Variants in CSMD3 observed in about 807,000 individuals in gnomAD.
The protein encoded by CSMD3 is CUB and sushi domain-containing protein 3.
CSMD3 carries 177 observed loss-of-function variants against 435.2 expected under a neutral mutation model. The ratio of observed to expected loss-of-function variants is 0.41; its 90% CI spans 0.36 to 0.46. CSMD3 has a LOEUF of 0.46. Among genes scored for constraint, CSMD3 ranks in the 20% least tolerant of loss-of-function variants. The pLI is 0.34. For missense variants in CSMD3, 4,265 were observed against 4,504.6 expected (o/e 0.95, Z 1.52); for synonymous variants, 1,656 against 1,520.5 (o/e 1.09, Z -2.07).
chr8:113,371,216 C>A (rs944521380), intron 1 of CSMD3, among the ~76,000 whole-genome samples: 2 of 151,982 alleles, frequency 1.3e-5, no homozygotes, highest in Non-Finnish European at 2.9e-5. Context: ...TACTTAACTA[C>A]TTCCTTTTTG....
At chr8:112,278,355 T>G (rs954793066) in intron 59 of CSMD3, among the ~76,000 whole-genome samples, 5 of 152,186 alleles carry the variant, frequency 3.3e-5, no homozygotes, top group Admixed American at 6.5e-5. Flanking sequence ...CTGCCAAGAT[T>G]TAAATGATAG....
At chr8:112,648,035 A>T (rs1416028065) in intron 19 of CSMD3, among the ~76,000 whole-genome samples, 1 of 152,198 alleles carries the variant, frequency 6.6e-6, no homozygotes, top group African/African-American at 2.4e-5. Flanking sequence ...TGGGATATAA[A>T]GACATCACAA....
intron 4 of CSMD3, among the ~76,000 whole-genome samples, chr8:113,136,830 A>C: frequency 6.6e-6 from 1 of 151,610 alleles, no homozygotes; most frequent in Non-Finnish European, 1.5e-5. Flanking sequence ...AGTCAGAAAA[A>C]TAGGTAATTT....
intron 45 of CSMD3, among the ~76,000 whole-genome samples, chr8:112,334,958 A>T (rs1231392865): frequency 6.6e-6 from 1 of 152,214 alleles, no homozygotes; most frequent in Non-Finnish European, 1.5e-5. Context: ...AGAAAGAGTC[A>T]CAGCAGGTTG....
intron 27 of CSMD3, among the ~76,000 whole-genome samples, chr8:112,525,784 G>GTATATATATATATACA (rs1025370439): frequency 7.7e-6 from 1 of 129,466 alleles, no homozygotes; most frequent in Non-Finnish European, 1.6e-5. Context: ...ATATGTGTGT[G>GTATATATATATATACA]TATATATATA....
intron 32 of CSMD3, among the ~76,000 whole-genome samples, chr8:112,427,350 T>C (rs1457380445): frequency 6.6e-6 from 1 of 152,122 alleles, no homozygotes; most frequent in African/African-American, 2.4e-5. Context: ...AACTGAATCA[T>C]GGAGGTGGTT....
chr8:112,612,066 C>T (rs771684890), intron 22 of CSMD3, among the ~76,000 whole-genome samples: 4 of 152,032 alleles, frequency 2.6e-5, no homozygotes, highest in African/African-American at 7.2e-5. Flanking sequence ...AATGAAATAA[C>T]CAATTTTACC....
At position 112,341,586 on chromosome 8, in the gene CSMD3, A is replaced by C. The variant is rs1482474049; in HGVS notation, c.6543T>G (p.Leu2181=). ...SSETSTVIGR[L]SGPQIPSSLF... ...AGGAAGATGGTATTTGAGGACCACT[A>C]AGCCGGCCAATAACAGTACTAGTTT... The change falls in exon 42 of 71, where the codon CTT becomes CTG. Residue 2181 remains leucine, a synonymous_variant. Coordinates refer to ENST00000297405, the MANE Select transcript of CSMD3 (RefSeq NM_198123.2). The C allele has an allele frequency of 6.2e-7, 1 of 1,612,324 alleles. No individual in the cohort carries two copies.
At chr8:112,355,906 C>T (rs1826559129) in intron 38 of CSMD3, among the ~76,000 whole-genome samples, 1 of 152,056 alleles carries the variant, frequency 6.6e-6, no homozygotes, top group Non-Finnish European at 1.5e-5. Context: ...TCAGAAGACA[C>T]ATGAATGACC....
chr8:112,699,686 C>T (rs558061590), intron 13 of CSMD3, among the ~76,000 whole-genome samples: 4 of 152,120 alleles, frequency 2.6e-5, no homozygotes, highest in Non-Finnish European at 4.4e-5. Flanking sequence ...CGTTGTTTGC[C>T]TCCTGGTGTG....
intron 54 of CSMD3, among the ~76,000 whole-genome samples, chr8:112,293,210 T>C (rs1387667582): frequency 6.6e-6 from 1 of 151,984 alleles, no homozygotes; most frequent in African/African-American, 2.4e-5. Context: ...AGCATGATCA[T>C]AGCTATGCAT....
chr8:112,405,222 TATATATATATATATATATATATATAC>T lies in CSMD3; in HGVS notation c.5809+1276_5809+1301del, dbSNP rs1563904405. Among the ~76,000 whole-genome samples the T allele has an allele frequency of 3.8e-4, 20 of 52,394 alleles. 1 individual carries two copies. The highest frequency in any genetic ancestry group is 1.3e-3 in the African/African-American group (18 of 13,850). 34.4% of individuals were successfully genotyped at this position (52,394 alleles called of 152,430 possible). ...AAAAAAAAAAAAACCCCCATATATATATATATATATATATATATATATATACATATATATATACACATATCTTATTT... is the reference window on the plus strand; with the variant it reads ...AAAAAAAAAAAAACCCCCATATATATATATATATATACACATATCTTATTT... On this transcript the variant is annotated intron_variant, in intron 35 of 70. Coordinates refer to ENST00000297405, the MANE Select transcript of CSMD3 (RefSeq NM_198123.2).
At chr8:113,118,065 T>C (rs1235475832) in intron 4 of CSMD3, among the ~76,000 whole-genome samples, 1 of 152,174 alleles carries the variant, frequency 6.6e-6, no homozygotes, top group Non-Finnish European at 1.5e-5. Context: ...CTTCCTATGA[T>C]TGATTACATG....
chr8:113,248,318 G>T (rs2093297259), intron 3 of CSMD3, among the ~76,000 whole-genome samples: 2 of 150,548 alleles, frequency 1.3e-5, no homozygotes, highest in Admixed American at 1.3e-4. Flanking sequence ...TAAAATTAAG[G>T]CTAATTTGTT....
intron 66 of CSMD3, among the ~76,000 whole-genome samples, chr8:112,240,722 C>T (rs1283550920): frequency 2.0e-5 from 3 of 152,132 alleles, no homozygotes; most frequent in Non-Finnish European, 2.9e-5. Context: ...GTGTCCCCAC[C>T]CAAATCTCAA....
intron 42 of CSMD3, among the ~76,000 whole-genome samples, chr8:112,338,676 A>G (rs1824803593): frequency 6.6e-6 from 1 of 152,172 alleles, no homozygotes; most frequent in Admixed American, 6.5e-5. Context: ...TTTTAGGACT[A>G]AAGATTTCAG....
intron 31 of CSMD3, among the ~76,000 whole-genome samples, chr8:112,485,251 G>A (rs555077765): frequency 1.3e-5 from 2 of 151,924 alleles, no homozygotes; most frequent in African/African-American, 2.4e-5. Flanking sequence ...AATACATTAC[G>A]CTTCTCTATT....
chr8:113,232,874 T>G (rs1165867815), intron 3 of CSMD3, among the ~76,000 whole-genome samples: 1 of 151,832 alleles, frequency 6.6e-6, no homozygotes, highest in Non-Finnish European at 1.5e-5. Context: ...AAATGTGTTT[T>G]CAACTGCGAC....
chr8:113,314,156 T>C (rs2093891762), intron 2 of CSMD3: 2 of 156,780 alleles, frequency 1.3e-5, no homozygotes, highest in African/African-American at 4.8e-5. Context: ...TATTCTACTA[T>C]TCATGAATGC....
Sources: allele counts gnomAD v4.1 joint callset (sites outside exome capture counted in the v4.1 genomes callset), GRCh38; gene constraint gnomAD v4.1.1; transcripts MANE v1.5; gene names NCBI Gene and HGNC (gene_info 2026-07-23, HGNC 2026-07-21).